The following ESR2 variants were observed in gnomAD, a reference collection of about 807,000 sequenced individuals.
ESR2 encodes the protein estrogen receptor beta.
In ESR2, 36 loss-of-function variants were observed where a neutral mutation model predicts 49.6. The ratio of observed to expected loss-of-function variants is 0.73; its 90% confidence interval spans 0.56 to 0.96. The LOEUF (loss-of-function observed/expected upper bound fraction) is 0.96. Ranked by LOEUF, ESR2 falls within the 40% of genes least tolerant of loss-of-function variation. The pLI is 0.00. For synonymous variants in ESR2, 320 were observed against 266.1 expected (o/e 1.20, Z -1.97); for missense variants, 714 against 693.0 (o/e 1.03, Z -0.34).
chr14:64,246,776 G>T (rs914077609), intron 7 of ESR2, among the ~76,000 whole-genome samples: 2 of 131,072 alleles, frequency 1.5e-5, no homozygotes, highest in Non-Finnish European at 3.1e-5. Context: ...AACACACCTG[G>T]CTGGACTTTC....
At chr14:64,235,204 CG>C in intron 7 of ESR2, 54 bp from the exon 8 acceptor site, 1 of 1,576,118 alleles carries the variant, frequency 6.3e-7, no homozygotes, top group South Asian at 1.1e-5. Flanking sequence ...GAGCAGAAGT[CG>C]TGTGCTCAGC....
chr14:64,301,553 G>A (rs1268056326), intron 1 of ESR2: 1 of 152,204 alleles, frequency 6.6e-6, no homozygotes, highest in Non-Finnish European at 1.5e-5. Context: ...ACCTAACCTT[G>A]TGGCTGGGAG....
chr14:64,250,569 A>C (rs933829731), intron 6 of ESR2, among the ~76,000 whole-genome samples: 2 of 152,244 alleles, frequency 1.3e-5, no homozygotes, highest in Non-Finnish European at 2.9e-5. Flanking sequence ...ACAAGCAGTT[A>C]GATGATTTTG....
downstream of ESR2, chr14:64,227,877 A>G: frequency 1.3e-6 from 2 of 1,597,230 alleles, no homozygotes; most frequent in Middle Eastern, 1.7e-4. Flanking sequence ...ACATTTTCAC[A>G]TGACTCTTGG....
At chr14:64,284,213 G>A (rs1056531514) in intron 1 of ESR2, among the ~76,000 whole-genome samples, 6 of 151,814 alleles carry the variant, frequency 4.0e-5, no homozygotes, top group Admixed American at 2.0e-4. Flanking sequence ...ACAGGCATAA[G>A]TCACCATGCC....
At chr14:64,264,982 A>G (rs994484604) in intron 4 of ESR2, among the ~76,000 whole-genome samples, 2 of 152,126 alleles carry the variant, frequency 1.3e-5, no homozygotes, top group African/African-American at 4.8e-5. Context: ...AGATTTATAT[A>G]CCCTTTACAT....
Position 64,260,530 on chromosome 14 carries a change from C to T in ESR2, c.871G>A (p.Glu291Lys), listed in dbSNP as rs751277839. The T allele has an allele frequency of 2.2e-5, 34 of 1,562,540 alleles. No individual in the cohort carries two copies. The highest frequency in any genetic ancestry group is 2.9e-5 in the Non-Finnish European group (34 of 1,153,782). ...LISRPSAPFT[E>K]ASMMMSLTKL... The stretch of plus-strand genomic sequence containing the variant: ...GTCAGGGACATCATCATGGAGGCCT[C>T]GGTGAAGGGCGCACTGGGGCGGCTG... Residue 291 changes from glutamate (E) to lysine (K), a missense_variant, in exon 5 of 9, where the codon GAG becomes AAG. Physicochemically the swap from Glu to Lys is moderately conservative, Grantham distance 56 (BLOSUM62 1). Transcript: ENST00000341099.
chr14:64,336,906 T>C (rs1226416398), intron 1 of ESR2, among the ~76,000 whole-genome samples: 1 of 152,170 alleles, frequency 6.6e-6, no homozygotes, highest in African/African-American at 2.4e-5. Context: ...ATTTTTCTCA[T>C]CAGATTCTGC....
intron 1 of ESR2, chr14:64,330,755 C>T (rs1174682115): frequency 6.6e-6 from 1 of 151,838 alleles, no homozygotes; most frequent in Non-Finnish European, 1.5e-5. Flanking sequence ...GCAACACAGC[C>T]CAGCTAAGTT....
chr14:64,287,742 C>G (rs1289948806), intron 1 of ESR2, among the ~76,000 whole-genome samples: 2 of 152,152 alleles, frequency 1.3e-5, no homozygotes, highest in East Asian at 3.8e-4. Flanking sequence ...AGTCAACAAA[C>G]CCATTCTGGT....
Position 64,283,092 on chromosome 14 carries a change from A to G in ESR2, c.-90-17T>C. 8.7e-7 allele frequency: 1 copy of G among 1,150,298 alleles called. No individual in the cohort carries two copies. Among genetic ancestry groups the G allele is most frequent in the Non-Finnish European group, 1.2e-6 (1 of 818,270 alleles). The allele number at this position is 1,150,298 out of a possible 1,614,324, so 71.3% of individuals were successfully genotyped here. Reference sequence around the variant, plus strand: ...GTATAATGGCTGTAAAGAAACACAGAAGATATTGCCAAGTTAGAGCTACAG... The same window carrying G: ...GTATAATGGCTGTAAAGAAACACAGGAGATATTGCCAAGTTAGAGCTACAG... On this transcript the variant is annotated splice_polypyrimidine_tract_variant and intron_variant, in intron 1 of 8. Coordinates refer to ENST00000341099, the MANE Select transcript of ESR2 (RefSeq NM_001437.3).
chr14:64,295,758 C>T (rs897109532), upstream of ESR2, among the ~76,000 whole-genome samples: 13 of 152,106 alleles, frequency 8.5e-5, no homozygotes, highest in Non-Finnish European at 5.9e-5. Flanking sequence ...AAAAAATCAG[C>T]TTCATGGCCA....
intron 3 of ESR2, 101 bp from the exon 4 acceptor site, chr14:64,269,012 G>C: frequency 1.4e-6 from 1 of 734,820 alleles, no homozygotes; most frequent in South Asian, 1.6e-5. Flanking sequence ...CTGAGAGATA[G>C]GGGACATCTT....
intron 1 of ESR2, among the ~76,000 whole-genome samples, chr14:64,319,216 T>C (rs1323910233): frequency 3.9e-5 from 6 of 152,012 alleles, no homozygotes; most frequent in Non-Finnish European, 7.4e-5. Flanking sequence ...CAACTACATA[T>C]CCACATTAAC....
intron 1 of ESR2, among the ~76,000 whole-genome samples, chr14:64,326,698 A>AT (rs1233684630): frequency 2.6e-5 from 4 of 152,158 alleles, no homozygotes; most frequent in African/African-American, 4.8e-5. Context: ...ACAACCCTGG[A>AT]TTTTGTCATC....
chr14:64,285,309 A>C (rs1471837483), intron 1 of ESR2, among the ~76,000 whole-genome samples: 1 of 152,134 alleles, frequency 6.6e-6, no homozygotes, highest in East Asian at 1.9e-4. Flanking sequence ...TCGAGCATTC[A>C]AGGGATGCCA....
chr14:64,265,782 A>C (rs1272331128), intron 4 of ESR2, among the ~76,000 whole-genome samples: 1 of 152,222 alleles, frequency 6.6e-6, no homozygotes, highest in Non-Finnish European at 1.5e-5. Flanking sequence ...ACAAGATCAG[A>C]AATTCAGAAG....
intron 2 of ESR2, among the ~76,000 whole-genome samples, chr14:64,281,690 C>T (rs1270805370): frequency 6.6e-6 from 1 of 152,138 alleles, no homozygotes; most frequent in Non-Finnish European, 1.5e-5. Context: ...CTATGATTAT[C>T]ATTAGAAATA....
intron 1 of ESR2, among the ~76,000 whole-genome samples, chr14:64,316,405 A>ACTAATCCTACACAATATCTT (rs1194259552): frequency 6.6e-6 from 1 of 152,198 alleles, no homozygotes; most frequent in Non-Finnish European, 1.5e-5. Flanking sequence ...AAGAGTTAAC[A>ACTAATCCTACACAATATCTT]CTAATCCTAC....
Sources: allele counts gnomAD v4.1 joint callset (sites outside exome capture counted in the v4.1 genomes callset), GRCh38; gene constraint gnomAD v4.1.1; transcripts MANE v1.5; gene names NCBI Gene and HGNC (gene_info 2026-07-23, HGNC 2026-07-21).